Variants in GLB1L3 observed in about 807,000 individuals in gnomAD.
GLB1L3 encodes beta-galactosidase-1-like protein 3.
Under a neutral mutation model 89.5 loss-of-function variants are expected in GLB1L3, and 89 were observed. That is an observed-to-expected ratio of 0.99 (90% CI 0.84 to 1.19). The LOEUF (loss-of-function observed/expected upper bound fraction) is 1.19, where lower values mean the gene tolerates loss of function less well. GLB1L3 is among the 50% of genes most tolerant of loss of function. The probability of loss-of-function intolerance (pLI) is 0.00; values close to 1 mark genes in which losing one functional copy is unlikely to be tolerated. For missense variants in GLB1L3, 812 were observed against 813.3 expected, an observed-to-expected ratio of 1.00 and a Z score of 0.02; for synonymous variants, 314 against 312.3, an observed-to-expected ratio of 1.01 and a Z score of -0.06.
chr11:134,309,573 C>T (rs1246418093), intron 10 of GLB1L3, 53 bp from the exon 11 acceptor site: 8 of 1,446,248 alleles, frequency 5.5e-6, no homozygotes, highest in Non-Finnish European at 6.5e-6. Flanking sequence ...CCAGAGGCTT[C>T]TGTCTCCTCT....
At chr11:134,308,278 CACCAA>C (rs1565412873) in intron 10 of GLB1L3, among the ~76,000 whole-genome samples, 9 of 50,616 alleles carry the variant, frequency 1.8e-4, no homozygotes, top group Non-Finnish European at 3.2e-4. Context: ...CCACCACCAC[CACCAA>C]ATACCACCAC....
At position 134,293,973 on chromosome 11, in the gene GLB1L3, G is replaced by A. The variant is rs561917344; in HGVS notation, c.876+764G>A. Among the ~76,000 whole-genome samples the A allele has an allele frequency of 4.1e-4, 63 of 152,138 alleles. 1 individual carries two copies. Among genetic ancestry groups the A allele is most frequent in the South Asian group, 4.1e-4 (2 of 4,820 alleles). On this transcript the variant is annotated intron_variant, in intron 9 of 19. Coordinates refer to ENST00000431683, the MANE Select transcript of GLB1L3 (RefSeq NM_001080407.3). ...TTCCATTCCAGCACACTGCAGCCCCGAAGGCTAGCCAGACTCTGCAGCTTC... is the reference window on the plus strand; with the variant it reads ...TTCCATTCCAGCACACTGCAGCCCCAAAGGCTAGCCAGACTCTGCAGCTTC...
chr11:134,296,869 A>T lies in GLB1L3; in HGVS notation c.876+3660A>T, dbSNP rs990670365. On this transcript the variant is annotated intron_variant, in intron 9 of 19. Coordinates refer to ENST00000431683, the MANE Select transcript of GLB1L3 (RefSeq NM_001080407.3). ...TAATAATAATAATAATAATAAAAAC[A>T]AACAAACAAAAAAAGAAAATAATGT... is the stretch of plus-strand genomic sequence containing the variant. 1.6e-4 allele frequency among the ~76,000 whole-genome samples: 12 copies of T among 74,464 alleles called. 1 individual carries two copies. The highest frequency in any genetic ancestry group is 5.3e-4 in the African/African-American group (12 of 22,796). The allele number at this position is 74,464 out of a possible 152,430, so 48.9% of individuals were successfully genotyped here. A position where few individuals can be genotyped will look rare whatever the true frequency, so the allele number is the denominator to read the frequency against.
rs765145632 is a variant in GLB1L3, at chr11:134,277,816, T to A, written c.266T>A (p.Ile89Asn). The change falls in exon 3 of 20, where the codon ATC becomes AAC. Residue 89 changes from isoleucine to asparagine, a missense_variant. Physicochemically the swap from Ile to Asn is moderately radical, Grantham distance 149. Coordinates refer to ENST00000431683, the MANE Select transcript of GLB1L3 (RefSeq NM_001080407.3). Reference protein sequence around the residue: ...HFTLEGHKFLIFGGSIHYFRV... With the variant: ...HFTLEGHKFLNFGGSIHYFRV... ...ACACTGGAGGGCCACAAGTTCCTGATCTTCGGGGGCTCCATCCACTATTTC... is the reference window on the plus strand; with the variant it reads ...ACACTGGAGGGCCACAAGTTCCTGAACTTCGGGGGCTCCATCCACTATTTC... The A allele has an allele frequency of 6.2e-7, 1 of 1,614,084 alleles. No homozygotes were observed.
chr11:134,283,866 G>C lies in GLB1L3; in HGVS notation c.636+21G>C, dbSNP rs780188123. 2.1e-6 allele frequency: 3 copies of C among 1,422,404 alleles called. No individual in the cohort carries two copies. The African/African-American group carries it at 4.2e-5, about 20-fold the overall frequency. 88.1% of individuals were successfully genotyped at this position (1,422,404 alleles called of 1,614,324 possible). ...TCCAGGTAAAGCCAAATTGTCCCCT[G>C]CATCTTTCTTACGTGCCCTTTAGGG... On this transcript the variant is annotated intron_variant, in intron 6 of 19. Coordinates refer to ENST00000431683, the MANE Select transcript of GLB1L3 (RefSeq NM_001080407.3).
rs528057401 is a variant in GLB1L3 at position 134,282,054 on chromosome 11, G to T, written c.461G>T (p.Gly154Val). ...EAFVLMAAEI[G>V]LWVILRPGRY... Reference sequence around the variant, plus strand: ...TTCGTCCTGATGGCCGCAGAGATCGGGCTGTGGGTGATTCTGCGTCCAGGC... The same window carrying T: ...TTCGTCCTGATGGCCGCAGAGATCGTGCTGTGGGTGATTCTGCGTCCAGGC... The change falls in exon 5 of 20, where the codon GGG becomes GTG. Residue 154 changes from glycine (G) to valine (V), a missense_variant. This residue lies in a region of GLB1L3 where 191 missense variants were observed against 191.4 expected (regional missense o/e 1.00). Coordinates refer to ENST00000431683, the MANE Select transcript of GLB1L3 (RefSeq NM_001080407.3). The T allele has an allele frequency of 6.7e-5, 105 of 1,570,780 alleles. No homozygotes were observed. Among genetic ancestry groups the T allele is most frequent in the Middle Eastern group, 5.8e-4 (3 of 5,206 alleles).
intron 8 of GLB1L3, chr11:134,292,547 C>A: frequency 4.4e-6 from 1 of 224,798 alleles, no homozygotes; most frequent in Non-Finnish European, 8.9e-6. Flanking sequence ...AGGGCCATCT[C>A]CACTAACTTG....
intron 9 of GLB1L3, chr11:134,305,137 T>C (rs866429555): frequency 2.6e-6 from 4 of 1,523,278 alleles, no homozygotes; most frequent in South Asian, 1.2e-5. Context: ...GATGCAGGAC[T>C]GCTCTCAGAT....
chr11:134,318,115 A>G (rs1281319950), intron 18 of GLB1L3, among the ~76,000 whole-genome samples: 1 of 152,110 alleles, frequency 6.6e-6, no homozygotes, highest in Non-Finnish European at 1.5e-5. Context: ...TTGCCCTTTA[A>G]TTTGAAGCAT....
chr11:134,315,575 T>C (rs1489738722), intron 18 of GLB1L3, among the ~76,000 whole-genome samples: 6 of 152,226 alleles, frequency 3.9e-5, no homozygotes, highest in African/African-American at 1.4e-4. Context: ...TCCCATTTCA[T>C]CTAAATTTTC....
At chr11:134,310,672 T>G in intron 12 of GLB1L3, 21 bp downstream of exon 12, 1 of 1,578,290 alleles carries the variant, frequency 6.3e-7, no homozygotes. Context: ...CCCATTTAAC[T>G]TACGGGCCAG....
chr11:134,288,506 G>C (rs1460146685), intron 6 of GLB1L3, among the ~76,000 whole-genome samples: 1 of 152,238 alleles, frequency 6.6e-6, no homozygotes, highest in South Asian at 2.1e-4. Context: ...TGGGATTGGC[G>C]TGGAAGCAGG....
At chr11:134,277,485 G>T (rs201676488) in intron 2 of GLB1L3, 34 bp downstream of exon 2, 3 of 1,602,890 alleles carry the variant, frequency 1.9e-6, no homozygotes, top group East Asian at 2.2e-5. Flanking sequence ...GGGGAGGGAG[G>T]GGAGCGATCT....
At chr11:134,292,425 C>T (rs530517120) in intron 8 of GLB1L3, 8 of 473,474 alleles carry the variant, frequency 1.7e-5, no homozygotes, top group Admixed American at 3.4e-5. Context: ...TTGCTCCTGC[C>T]GTCTTTAAAC....
intron 9 of GLB1L3, among the ~76,000 whole-genome samples, chr11:134,300,665 C>T (rs1941901850): frequency 6.6e-6 from 1 of 152,054 alleles, no homozygotes; most frequent in Non-Finnish European, 1.5e-5. Flanking sequence ...AAGGCGCCTA[C>T]AGGCTGTTCT....
At chr11:134,290,903 C>A (rs1264096878) in intron 7 of GLB1L3, among the ~76,000 whole-genome samples, 1 of 152,090 alleles carries the variant, frequency 6.6e-6, no homozygotes, top group Non-Finnish European at 1.5e-5. Flanking sequence ...GATCCTCTTC[C>A]AGGGCATTTC....
chr11:134,309,966 G>A (rs764990871), intron 11 of GLB1L3: 9 of 598,834 alleles, frequency 1.5e-5, no homozygotes, highest in African/African-American at 5.6e-5. Context: ...AGGGCTTTCC[G>A]GGACTTAGAG....
At chr11:134,322,111 G>C (rs888267570), downstream of GLB1L3, among the ~76,000 whole-genome samples, 2 of 152,132 alleles carry the variant, frequency 1.3e-5, no homozygotes, top group South Asian at 4.1e-4. Flanking sequence ...ATGATCGAAA[G>C]TCCAAGGATA....
At chr11:134,303,778 T>TG (rs1308686443) in intron 9 of GLB1L3, among the ~76,000 whole-genome samples, 1 of 152,186 alleles carries the variant, frequency 6.6e-6, no homozygotes, top group Non-Finnish European at 1.5e-5. Context: ...TTTCATATCT[T>TG]GGAGATTCTA....
Sources: allele counts gnomAD v4.1 joint callset (sites outside exome capture counted in the v4.1 genomes callset), GRCh38; gene constraint gnomAD v4.1.1; regional missense constraint gnomAD v4.1.1; transcripts MANE v1.5; gene names NCBI Gene and HGNC (gene_info 2026-07-23, HGNC 2026-07-21).